ZNF431: variants seen among roughly 807,000 people sequenced by gnomAD.
ZNF431 encodes zinc finger protein 431.
ZNF431 carries 34 observed loss-of-function variants against 57.0 expected under a neutral mutation model. The observed-to-expected ratio is 0.60, with a 90% CI of 0.45 to 0.79. The LOEUF (loss-of-function observed/expected upper bound fraction) is 0.79. Among genes scored for constraint, ZNF431 ranks in the 30% least tolerant of loss-of-function variants. The probability of loss-of-function intolerance (pLI) is 0.00; values close to 1 mark genes in which losing one functional copy is unlikely to be tolerated. For missense variants in ZNF431, 607 were observed against 667.1 expected, an observed-to-expected ratio of 0.91 and a Z score of 0.99; for synonymous variants, 207 against 220.3, an observed-to-expected ratio of 0.94 and a Z score of 0.54.
chr19:21,167,044 T>TA (rs918550280), intron 3 of ZNF431, among the ~76,000 whole-genome samples: 10 of 151,992 alleles, frequency 6.6e-5, no homozygotes, highest in African/African-American at 2.4e-4. Context: ...TATTAGTAGA[T>TA]ACAGTGTTTC....
chr19:21,162,144 TTGTGTGTGTGTG>T (rs749424799), intron 2 of ZNF431, among the ~76,000 whole-genome samples: 153 of 66,174 alleles, frequency 2.3e-3, no homozygotes, highest in African/African-American at 5.0e-3. Flanking sequence ...ATCCAGCTAA[TTGTGTGTGTGTG>T]TGTGTGTGTG....
At chr19:21,164,576 A>T (rs187157358) in intron 2 of ZNF431, among the ~76,000 whole-genome samples, 1 of 152,154 alleles carries the variant, frequency 6.6e-6, no homozygotes, top group Admixed American at 6.5e-5. Context: ...TTTTCTCAAG[A>T]TGCAGGTGTT....
chr19:21,174,906 G>C (rs986685078), intron 4 of ZNF431, among the ~76,000 whole-genome samples: 6 of 152,030 alleles, frequency 3.9e-5, no homozygotes, highest in African/African-American at 1.4e-4. Flanking sequence ...CCAAGTAGCT[G>C]GGAGTACAGG....
rs768542163 is a variant in ZNF431, at chr19:21,186,693, T to A, written c.*2659T>A. ...GCTAGACCCATACTTTTTTTGTTTC[T>A]TACATTTTTTTTGTTTTATATTTTA... On this transcript the variant is annotated 3_prime_UTR_variant, in exon 5 of 5. Coordinates refer to ENST00000311048, the MANE Select transcript of ZNF431 (RefSeq NM_133473.4). The A allele has an allele frequency of 6.6e-6, 1 of 152,218 alleles. No homozygotes were observed. Among genetic ancestry groups the A allele is most frequent in the Non-Finnish European group, 1.5e-5 (1 of 68,034 alleles). 9.4% of individuals were successfully genotyped at this position (152,218 alleles called of 1,614,324 possible).
At chr19:21,148,623 A>G (rs1189158324) in intron 2 of ZNF431, among the ~76,000 whole-genome samples, 2 of 152,174 alleles carry the variant, frequency 1.3e-5, no homozygotes, top group African/African-American at 2.4e-5. Context: ...CCACATTTCC[A>G]TGTCTTCTTA....
At position 21,187,949 on chromosome 19, in the gene ZNF431, T is replaced by TAG. The variant is rs961120461; in HGVS notation, c.*3918_*3919dup. ...TGCACACAAAAATTGGTTTTAACTG[T>TAG]AGAGTTTGCTTATCAGAACAGTTAA... On this transcript the variant is annotated 3_prime_UTR_variant, in exon 5 of 5. Coordinates refer to ENST00000311048, the MANE Select transcript of ZNF431 (RefSeq NM_133473.4). 7.2e-5 allele frequency: 11 copies of TAG among 152,010 alleles called. No individual in the cohort carries two copies. Among genetic ancestry groups the TAG allele is most frequent in the African/African-American group, 2.7e-4 (11 of 41,366 alleles). The allele number at this position is 152,010 out of a possible 1,614,324, so 9.4% of individuals were successfully genotyped here.
intron 4 of ZNF431, among the ~76,000 whole-genome samples, chr19:21,173,806 C>T (rs1198474207): frequency 6.6e-6 from 1 of 152,116 alleles, no homozygotes; most frequent in African/African-American, 2.4e-5. Context: ...GGATTACATG[C>T]GTGAGCCACC....
intron 2 of ZNF431, among the ~76,000 whole-genome samples, chr19:21,164,075 A>G (rs945209606): frequency 5.7e-5 from 4 of 69,836 alleles, no homozygotes; most frequent in Middle Eastern, 0.018. Flanking sequence ...GTGAAACTCC[A>G]TCTCAAAAAA....
Position 21,189,802 on chromosome 19 carries a change from A to G in ZNF431, c.*5768A>G. The G allele has an allele frequency of 2.5e-6, 1 of 397,162 alleles. No individual in the cohort carries two copies. Among genetic ancestry groups the G allele is most frequent in the East Asian group, 3.6e-5 (1 of 28,022 alleles). 24.6% of individuals were successfully genotyped at this position (397,162 alleles called of 1,614,324 possible). On this transcript the variant is annotated 3_prime_UTR_variant, in exon 5 of 5. Transcript: ENST00000311048. ...TTTCTGTGCCTTGCTTATCCCAACT[A>G]ATACAATGTCCTCCAACTTCATCCA...
At chr19:21,160,099 G>A (rs1970532146) in intron 2 of ZNF431, among the ~76,000 whole-genome samples, 1 of 151,738 alleles carries the variant, frequency 6.6e-6, no homozygotes, top group Admixed American at 6.6e-5. Flanking sequence ...ATGCAAGCCA[G>A]GTTGATCCCA....
Position 21,183,963 on chromosome 19 carries a change from A to C in ZNF431, c.1660A>C (p.Asn554His). The change falls in exon 5 of 5, where the codon AAC (asparagine) becomes CAC (histidine). Residue 554 changes from asparagine to histidine, a missense_variant. Asn to His is a moderately conservative substitution (Grantham distance 68). Transcript: ENST00000311048. ...TGACAATACATTTAACCAGTCCTCAAACCTTATTAAACAAAATAATTCATA... is the reference window on the plus strand; with the variant it reads ...TGACAATACATTTAACCAGTCCTCACACCTTATTAAACAAAATAATTCATA... ...ECDNTFNQSS[N>H]LIKQNNSYWR... is the part of the protein sequence containing the mutation. The C allele has an allele frequency of 1.3e-6, 2 of 1,597,164 alleles. No individual in the cohort carries two copies. Among genetic ancestry groups the C allele is most frequent in the East Asian group, 4.5e-5 (2 of 44,822 alleles).
At chr19:21,152,365 A>AT (rs1246906861) in intron 2 of ZNF431, among the ~76,000 whole-genome samples, 2 of 152,034 alleles carry the variant, frequency 1.3e-5, no homozygotes, top group Non-Finnish European at 2.9e-5. Flanking sequence ...TAGGAAAGAG[A>AT]TTTTTTTCCC....
intron 2 of ZNF431, among the ~76,000 whole-genome samples, chr19:21,146,530 T>G (rs1970102427): frequency 6.6e-6 from 1 of 152,188 alleles, no homozygotes. Context: ...CTTGATTATA[T>G]GCTAAACAAG....
rs1278458559 is a variant in ZNF431, at chr19:21,192,199, C to T, written c.*8165C>T. ...ATTTATTTATTTTGAGATGGAGTCT[C>T]GGTCTGTCACGCAGGCTCGAGTGCA... On this transcript the variant is annotated 3_prime_UTR_variant, in exon 5 of 5. Transcript: ENST00000311048. 3 of 152,122 alleles carry T rather than the reference C, an allele frequency of 2.0e-5. No individual in the cohort carries two copies. The highest frequency in any genetic ancestry group is 4.8e-5 in the African/African-American group (2 of 41,420). 9.4% of individuals were successfully genotyped at this position (152,122 alleles called of 1,614,324 possible). A position where few individuals can be genotyped will look rare whatever the true frequency, so the allele number is the denominator to read the frequency against.
intron 4 of ZNF431, among the ~76,000 whole-genome samples, chr19:21,181,452 G>A (rs997519653): frequency 2.6e-5 from 4 of 151,848 alleles, no homozygotes; most frequent in Admixed American, 6.6e-5. Flanking sequence ...ACAGTTCACC[G>A]GCTATCTCAT....
rs12971985 is a variant in ZNF431, at chr19:21,183,154, G to A, written c.851G>A (p.Gly284Glu). The A allele has an allele frequency of 6.2e-7, 1 of 1,613,834 alleles. No individual in the cohort carries two copies. ...ACTACACATAAGATAATTCATACTG[G>A]GGAGAAACCATATAGATGTGAAGAA... ...TLTTHKIIHT[G>E]EKPYRCEECG... is the part of the protein sequence containing the mutation. The change falls in exon 5 of 5, where the codon GGG becomes GAG. Residue 284 changes from glycine (G) to glutamate (E), a missense_variant. Transcript: ENST00000311048.
chr19:21,142,511 T>G (rs1969970520), intron 1 of ZNF431, among the ~76,000 whole-genome samples: 1 of 152,234 alleles, frequency 6.6e-6, no homozygotes, highest in African/African-American at 2.4e-5. Flanking sequence ...CAGTTCTGAC[T>G]CGGGGTGCGG....
chr19:21,195,089 G>A lies in ZNF431; in HGVS notation c.*11055G>A, dbSNP rs1465457233. On this transcript the variant is annotated 3_prime_UTR_variant, in exon 5 of 5. Transcript: ENST00000311048. ...GCTCATGAGAGCTGCCTGACAAAAA[G>A]CGTGTAAACAACAGTGATTGCTCCT... 2 of 152,142 alleles carry A rather than the reference G, an allele frequency of 1.3e-5. No homozygotes were observed. Among genetic ancestry groups the A allele is most frequent in the East Asian group, 1.9e-4 (1 of 5,188 alleles). The allele number at this position is 152,142 out of a possible 1,614,324, so 9.4% of individuals were successfully genotyped here. A position where few individuals can be genotyped will look rare whatever the true frequency, so the allele number is the denominator to read the frequency against.
At chr19:21,173,752 C>T (rs1241825273) in intron 4 of ZNF431, among the ~76,000 whole-genome samples, 1 of 152,020 alleles carries the variant, frequency 6.6e-6, no homozygotes, top group Non-Finnish European at 1.5e-5. Flanking sequence ...GTCTTGAACT[C>T]CTGACCTCAG....
Sources: allele counts gnomAD v4.1 joint callset (sites outside exome capture counted in the v4.1 genomes callset), GRCh38; gene constraint gnomAD v4.1.1; transcripts MANE v1.5; gene names NCBI Gene and HGNC (gene_info 2026-07-23, HGNC 2026-07-21).